Variants in JMJD1C observed in about 807,000 individuals in gnomAD.
The protein encoded by JMJD1C is jumonji domain-containing protein 1C.
JMJD1C carries 31 observed loss-of-function variants against 245.3 expected under a neutral mutation model. The observed-to-expected ratio is 0.13, with a 90% CI of 0.09 to 0.17. The LOEUF (loss-of-function observed/expected upper bound fraction) is 0.17. JMJD1C is among the 10% of genes least tolerant of loss of function. The pLI, the probability that JMJD1C is intolerant of heterozygous loss-of-function variation, is 1.00. For missense variants in JMJD1C, 2,691 were observed against 3,000.2 expected, an observed-to-expected ratio of 0.90 and a Z score of 2.41; for synonymous variants, 1,057 against 1,017.4, an observed-to-expected ratio of 1.04 and a Z score of -0.74.
intron 2 of JMJD1C, among the ~76,000 whole-genome samples, chr10:63,328,406 T>C (rs762397469): frequency 1.4e-4 from 22 of 152,336 alleles, no homozygotes; most frequent in Non-Finnish European, 2.4e-4. Context: ...ATTTTGCATA[T>C]ACTTAAAAAA....
At chr10:63,444,013 A>G (rs1418220072) in intron 1 of JMJD1C, among the ~76,000 whole-genome samples, 1 of 152,256 alleles carries the variant, frequency 6.6e-6, no homozygotes, top group Non-Finnish European at 1.5e-5. Context: ...AAATTTCTTG[A>G]GAACGGGTTT....
chr10:63,248,794 T>C (rs1852640261), intron 3 of JMJD1C, among the ~76,000 whole-genome samples: 1 of 152,182 alleles, frequency 6.6e-6, no homozygotes, highest in Non-Finnish European at 1.5e-5. Flanking sequence ...ACTGCAGCAC[T>C]ATACACAATA....
intron 1 of JMJD1C, among the ~76,000 whole-genome samples, chr10:63,429,014 C>T (rs993510588): frequency 6.6e-6 from 1 of 152,094 alleles, no homozygotes; most frequent in African/African-American, 2.4e-5. Flanking sequence ...GAATTTCACT[C>T]TTGTTACCCA....
At chr10:63,325,328 G>C (rs1001514235) in intron 2 of JMJD1C, among the ~76,000 whole-genome samples, 6 of 152,146 alleles carry the variant, frequency 3.9e-5, no homozygotes, top group African/African-American at 1.4e-4. Flanking sequence ...TTCTACCTCA[G>C]TGTTTTGGTT....
chr10:63,268,711 C>A (rs1855928963), intron 2 of JMJD1C: 1 of 984,710 alleles, frequency 1.0e-6, no homozygotes, highest in South Asian at 4.7e-5. Flanking sequence ...AAATCCACAA[C>A]AAGGCTTTAA....
intron 19 of JMJD1C, among the ~76,000 whole-genome samples, chr10:63,185,881 G>A (rs1589086477): frequency 6.6e-6 from 1 of 152,158 alleles, no homozygotes; most frequent in African/African-American, 2.4e-5. Flanking sequence ...TATCTCAAAA[G>A]TTGTTTTTAA....
intron 1 of JMJD1C, among the ~76,000 whole-genome samples, chr10:63,405,470 G>A (rs553734340): frequency 1.1e-4 from 16 of 152,050 alleles, no homozygotes; most frequent in South Asian, 2.1e-4. Flanking sequence ...ACAGGTGTGC[G>A]CCACCAAGCT....
At chr10:63,398,161 G>T (rs935018509) in intron 1 of JMJD1C, among the ~76,000 whole-genome samples, 4 of 151,992 alleles carry the variant, frequency 2.6e-5, no homozygotes, top group African/African-American at 9.7e-5. Flanking sequence ...TGGGTTGTTT[G>T]TTTTTCTTGT....
rs1564748429 is a variant in JMJD1C at position 63,296,015 on chromosome 10, T to TA, written c.334-31252_334-31251insT. 5.5e-4 allele frequency among the ~76,000 whole-genome samples: 61 copies of TA among 110,806 alleles called. 1 individual carries two copies. Among genetic ancestry groups the TA allele is most frequent in the African/African-American group, 2.0e-3 (57 of 28,660 alleles). 72.7% of individuals were successfully genotyped at this position (110,806 alleles called of 152,430 possible). ...TGTGTGTGTGTGTGTATATATATAT[T>TA]TTTTTTTTTTTCTTAGATGGAGTTT... On this transcript the variant is annotated intron_variant, in intron 2 of 25. Transcript: ENST00000399262.
At chr10:63,431,842 T>A (rs936293994) in intron 1 of JMJD1C, among the ~76,000 whole-genome samples, 1 of 152,122 alleles carries the variant, frequency 6.6e-6, no homozygotes, top group Non-Finnish European at 1.5e-5. Flanking sequence ...TGAAACCCCA[T>A]CTCTACTAAA....
At chr10:63,189,499 AC>A in intron 17 of JMJD1C, 53 bp from the exon 18 acceptor site, 1 of 1,473,432 alleles carries the variant, frequency 6.8e-7, no homozygotes. Context: ...GAAATCAAAT[AC>A]ATTTTCCTCC....
intron 10 of JMJD1C, among the ~76,000 whole-genome samples, chr10:63,206,169 T>C (rs1247473784): frequency 6.6e-6 from 1 of 152,166 alleles, no homozygotes; most frequent in African/African-American, 2.4e-5. Flanking sequence ...TCAAAATATG[T>C]GTATGTGAGC....
At chr10:63,199,715 T>C (rs1399890198) in intron 11 of JMJD1C, among the ~76,000 whole-genome samples, 1 of 152,152 alleles carries the variant, frequency 6.6e-6, no homozygotes, top group African/African-American at 2.4e-5. Flanking sequence ...TTAGGGATTG[T>C]TGGCTACAAA....
At chr10:63,420,979 A>C (rs1950093868) in intron 1 of JMJD1C, among the ~76,000 whole-genome samples, 1 of 152,134 alleles carries the variant, frequency 6.6e-6, no homozygotes, top group Non-Finnish European at 1.5e-5. Flanking sequence ...GAGACTAAAA[A>C]AATCCCAACA....
intron 1 of JMJD1C, among the ~76,000 whole-genome samples, chr10:63,387,512 T>C (rs1047602788): frequency 1.4e-5 from 2 of 147,386 alleles, no homozygotes; most frequent in African/African-American, 5.0e-5. Context: ...GATGTATTCA[T>C]CGAATCAAAC....
At chr10:63,409,865 G>C (rs764043680) in intron 1 of JMJD1C, among the ~76,000 whole-genome samples, 6 of 152,160 alleles carry the variant, frequency 3.9e-5, no homozygotes, top group Non-Finnish European at 8.8e-5. Context: ...CTACTCACTT[G>C]AAAGAGTGTG....
At chr10:63,437,908 C>T (rs1951147215) in intron 1 of JMJD1C, among the ~76,000 whole-genome samples, 1 of 152,180 alleles carries the variant, frequency 6.6e-6, no homozygotes, top group African/African-American at 2.4e-5. Context: ...GATTTCATAC[C>T]TCCCTGTCCC....
At chr10:63,315,055 G>T (rs1939785119) in intron 2 of JMJD1C, among the ~76,000 whole-genome samples, 1 of 149,626 alleles carries the variant, frequency 6.7e-6, no homozygotes, top group African/African-American at 2.5e-5. Flanking sequence ...CTGGATTCAA[G>T]AGATTGCCCT....
intron 2 of JMJD1C, among the ~76,000 whole-genome samples, chr10:63,356,574 G>C (rs1944862447): frequency 6.6e-6 from 1 of 152,112 alleles, no homozygotes; most frequent in South Asian, 2.1e-4. Context: ...ATTTTTCATT[G>C]TTCATCCATC....
Sources: gnomAD v4.1 joint callset for allele counts (sites outside exome capture counted in the v4.1 genomes callset) on GRCh38, gnomAD v4.1.1 for gene constraint, MANE v1.5 for transcripts, NCBI Gene and HGNC (gene_info 2026-07-23, HGNC 2026-07-21) for gene names.